Variants in BCKDHB observed in about 807,000 individuals in gnomAD.
BCKDHB encodes the protein 2-oxoisovalerate dehydrogenase subunit beta, mitochondrial.
Under a neutral mutation model 48.5 loss-of-function variants are expected in BCKDHB, and 41 were observed. The ratio of observed to expected loss-of-function variants is 0.85; its 90% CI spans 0.66 to 1.10. The LOEUF (loss-of-function observed/expected upper bound fraction) is 1.10, where lower values mean the gene tolerates loss of function less well. BCKDHB is among the 50% of genes least tolerant of loss of function. The probability of loss-of-function intolerance (pLI) is 0.00; values close to 1 mark genes in which losing one functional copy is unlikely to be tolerated. For synonymous variants in BCKDHB, 201 were observed against 174.8 expected (o/e 1.15, Z -1.18); for missense variants, 496 against 494.2 (o/e 1.00, Z -0.03).
At chr6:80,368,316 A>G in the BCKDHB span, among the ~76,000 whole-genome samples, 1 of 152,180 alleles carries the variant, frequency 6.6e-6, no homozygotes, top group Non-Finnish European at 1.5e-5. Flanking sequence ...CAGTCTGTAC[A>G]AAGCTGATCA....
chr6:80,123,408 C>T (rs1770156896), intron 1 of BCKDHB, among the ~76,000 whole-genome samples: 1 of 152,212 alleles, frequency 6.6e-6, no homozygotes, highest in Non-Finnish European at 1.5e-5. Flanking sequence ...GTTCCTCTGT[C>T]ATGGCTCCAG....
At chr6:80,299,879 A>T (rs1293478716) in intron 9 of BCKDHB, among the ~76,000 whole-genome samples, 3 of 152,202 alleles carry the variant, frequency 2.0e-5, no homozygotes, top group African/African-American at 7.2e-5. Flanking sequence ...AAATGGGCTA[A>T]ATTCCACACT....
At chr6:80,283,258 T>C (rs1005955249) in intron 9 of BCKDHB, among the ~76,000 whole-genome samples, 1 of 152,106 alleles carries the variant, frequency 6.6e-6, no homozygotes, top group Non-Finnish European at 1.5e-5. Flanking sequence ...TAACATTGGG[T>C]TCACTGCTTA....
At chr6:80,257,340 T>TATAC (rs773516647) in intron 8 of BCKDHB, among the ~76,000 whole-genome samples, 129 of 150,064 alleles carry the variant, frequency 8.6e-4, no homozygotes, top group East Asian at 5.1e-3. Context: ...TATGTATCTA[T>TATAC]ACACACACAC....
At chr6:80,413,277 G>T in the BCKDHB span, among the ~76,000 whole-genome samples, 4 of 152,180 alleles carry the variant, frequency 2.6e-5, no homozygotes, top group East Asian at 7.7e-4. Context: ...CTCACCGTAA[G>T]TATGTATTCC....
At chr6:80,246,115 A>G (rs966698193) in intron 8 of BCKDHB, among the ~76,000 whole-genome samples, 7 of 152,184 alleles carry the variant, frequency 4.6e-5, no homozygotes, top group African/African-American at 1.7e-4. Context: ...AAGACATTTT[A>G]AACCAATATG....
the BCKDHB span, among the ~76,000 whole-genome samples, chr6:80,436,259 C>T: frequency 1.4e-5 from 2 of 143,124 alleles, no homozygotes; most frequent in South Asian, 4.6e-4. Context: ...CCCGGGTTCA[C>T]GCCATTCTCC....
chr6:80,388,186 G>T, the BCKDHB span, among the ~76,000 whole-genome samples: 1 of 152,190 alleles, frequency 6.6e-6, no homozygotes, highest in East Asian at 1.9e-4. Context: ...TTTGAGTGGG[G>T]TCCAGAACTG....
chr6:80,205,460 C>T (rs556314130), intron 8 of BCKDHB, among the ~76,000 whole-genome samples: 5 of 152,064 alleles, frequency 3.3e-5, no homozygotes, highest in South Asian at 2.1e-4. Flanking sequence ...AAAAACGATT[C>T]GTTGAACACA....
chr6:80,384,201 A>G, the BCKDHB span, among the ~76,000 whole-genome samples: 18 of 152,168 alleles, frequency 1.2e-4, no homozygotes, highest in African/African-American at 4.1e-4. Flanking sequence ...TTGGGTGGGT[A>G]CCATCTAATC....
intron 9 of BCKDHB, among the ~76,000 whole-genome samples, chr6:80,318,153 T>A (rs893536561): frequency 2.0e-5 from 3 of 152,132 alleles, no homozygotes; most frequent in Non-Finnish European, 4.4e-5. Context: ...TAAAGAGAAG[T>A]TTGGAGCTCC....
At chr6:80,366,288 C>G in the BCKDHB span, among the ~76,000 whole-genome samples, 6 of 152,080 alleles carry the variant, frequency 3.9e-5, no homozygotes, top group Admixed American at 2.6e-4. Flanking sequence ...CAGCCAGATG[C>G]GTATCATGGG....
intron 3 of BCKDHB, among the ~76,000 whole-genome samples, chr6:80,152,578 A>G (rs1376395619): frequency 1.3e-5 from 2 of 152,206 alleles, no homozygotes; most frequent in African/African-American, 2.4e-5. Context: ...CATTCATGAC[A>G]GGGTGATTTC....
chr6:80,187,891 G>A (rs1338136653), intron 6 of BCKDHB, among the ~76,000 whole-genome samples: 2 of 152,108 alleles, frequency 1.3e-5, no homozygotes, highest in Admixed American at 1.3e-4. Flanking sequence ...AATGTCAACT[G>A]GTTTAGCCAT....
At chr6:80,242,910 A>G (rs946544015) in intron 8 of BCKDHB, among the ~76,000 whole-genome samples, 2 of 152,168 alleles carry the variant, frequency 1.3e-5, no homozygotes, top group South Asian at 2.1e-4. Flanking sequence ...GTTAAAGGCA[A>G]ATCTGTAGTT....
At chr6:80,339,583 G>A (rs956872617) in intron 9 of BCKDHB, among the ~76,000 whole-genome samples, 2 of 152,136 alleles carry the variant, frequency 1.3e-5, no homozygotes, top group Non-Finnish European at 2.9e-5. Context: ...TAAACAATTG[G>A]AGTTATGCTT....
chr6:80,150,645 T>G (rs1183193197), intron 3 of BCKDHB, among the ~76,000 whole-genome samples: 4 of 150,514 alleles, frequency 2.7e-5, no homozygotes, highest in Non-Finnish European at 4.4e-5. Context: ...CAACCTCTGC[T>G]TTCTGGGTTC....
chr6:80,217,534 A>G (rs1484213567), intron 8 of BCKDHB, among the ~76,000 whole-genome samples: 1 of 152,052 alleles, frequency 6.6e-6, no homozygotes, highest in Non-Finnish European at 1.5e-5. Context: ...AATGTGGCAG[A>G]AGAGATTTAA....
At chr6:80,322,896 CTTT>C (rs34177726) in intron 9 of BCKDHB, among the ~76,000 whole-genome samples, 28 of 115,536 alleles carry the variant, frequency 2.4e-4, no homozygotes, top group Non-Finnish European at 4.1e-4. Flanking sequence ...TTTCTTTTTT[CTTT>C]TTTTTTTTTT....
Sources: gnomAD v4.1 joint callset for allele counts (sites outside exome capture counted in the v4.1 genomes callset) on GRCh38, gnomAD v4.1.1 for gene constraint, MANE v1.5 for transcripts, NCBI Gene and HGNC (gene_info 2026-07-23, HGNC 2026-07-21) for gene names.